RTN4: variants seen among roughly 807,000 people sequenced by gnomAD.
RTN4 encodes reticulon-4.
In RTN4, 32 loss-of-function variants were observed where a neutral mutation model predicts 90.4. The observed-to-expected ratio is 0.35, with a 90% CI of 0.27 to 0.48. RTN4 has a LOEUF of 0.48. RTN4 is among the 20% of genes least tolerant of loss of function. The pLI, the probability that RTN4 is intolerant of heterozygous loss-of-function variation, is 0.99. For synonymous variants in RTN4, 629 were observed against 552.5 expected (o/e 1.14, Z -1.94); for missense variants, 1,706 against 1,430.2 (o/e 1.19, Z -3.11).
At chr2:54,994,227 T>G (rs1679241073) in intron 3 of RTN4, among the ~76,000 whole-genome samples, 1 of 152,188 alleles carries the variant, frequency 6.6e-6, no homozygotes, top group Admixed American at 6.5e-5. Flanking sequence ...ATTAGTTAAC[T>G]TAGAAGTTTG....
chr2:55,090,364 A>G (rs2105043331), intron 1 of RTN4, among the ~76,000 whole-genome samples: 1 of 152,358 alleles, frequency 6.6e-6, no homozygotes, highest in Middle Eastern at 3.4e-3. Flanking sequence ...ACACGCTCAC[A>G]TCTGCTTCCA....
intron 1 of RTN4, among the ~76,000 whole-genome samples, chr2:55,087,175 T>C (rs1022771712): frequency 2.6e-5 from 4 of 152,238 alleles, no homozygotes; most frequent in Admixed American, 2.6e-4. Flanking sequence ...TATGCTGCTG[T>C]GAATATGTAC....
At position 55,025,535 on chromosome 2, in the gene RTN4, T is replaced by G. The variant is rs967574806; in HGVS notation, c.2564A>C (p.Glu855Ala). Reference protein sequence around the residue: ...LFISKEAQIRETETFSDSSPI... With the variant: ...LFISKEAQIRATETFSDSSPI... ...AGATGAATCTGAAAACGTTTCAGTT[T>G]CTCTTATCTGTGCTTCCTTAGAAAT... Residue 855 changes from glutamate to alanine, a missense_variant, in exon 3 of 9, where the codon GAA becomes GCA. By Grantham distance (107) the Glu-to-Ala change is moderately radical. Coordinates refer to ENST00000337526, the MANE Select transcript of RTN4 (RefSeq NM_020532.5). 1.2e-6 allele frequency: 2 copies of G among 1,613,778 alleles called. No individual in the cohort carries two copies. The highest frequency in any genetic ancestry group is 1.7e-6 in the Non-Finnish European group (2 of 1,179,820).
At chr2:55,075,655 A>G (rs1375963023) in intron 2 of RTN4, among the ~76,000 whole-genome samples, 1 of 152,226 alleles carries the variant, frequency 6.6e-6, no homozygotes, top group Non-Finnish European at 1.5e-5. Flanking sequence ...CAAAAAGAAC[A>G]AATCTGGAGG....
At chr2:54,990,063 T>C (rs1678880387) in intron 3 of RTN4, among the ~76,000 whole-genome samples, 2 of 152,152 alleles carry the variant, frequency 1.3e-5, no homozygotes, top group South Asian at 4.1e-4. Flanking sequence ...ACTAAAAAAA[T>C]GGTTGAATAA....
chr2:55,015,765 T>C (rs1680987891), intron 3 of RTN4, among the ~76,000 whole-genome samples: 1 of 152,206 alleles, frequency 6.6e-6, no homozygotes, highest in Non-Finnish European at 1.5e-5. Flanking sequence ...ACTAGGCAGC[T>C]GGACAACAGA....
At chr2:55,072,482 G>T (rs1668534210) in intron 2 of RTN4, among the ~76,000 whole-genome samples, 1 of 152,188 alleles carries the variant, frequency 6.6e-6, no homozygotes, top group Non-Finnish European at 1.5e-5. Flanking sequence ...GCCTGCCTCA[G>T]CCTCCCAAAG....
At chr2:55,070,840 G>C (rs893108883) in intron 2 of RTN4, among the ~76,000 whole-genome samples, 5 of 151,476 alleles carry the variant, frequency 3.3e-5, no homozygotes. Flanking sequence ...ACAGTGGTGC[G>C]ATCTCGGCTC....
Position 55,026,479 on chromosome 2 carries a change from C to T in RTN4, c.1620G>A (p.Glu540=). The change falls in exon 3 of 9, where the codon GAG becomes GAA. Residue 540 remains glutamate, a synonymous_variant. Coordinates refer to ENST00000337526, the MANE Select transcript of RTN4 (RefSeq NM_020532.5). ...CTTCAGGCATGTTTGCCACGACTTC[C>T]TCAGTCACCTTTGTTAAATTATCTG... ...VTTDNLTKVT[E]EVVANMPEGL... The T allele has an allele frequency of 6.2e-7, 1 of 1,613,924 alleles. No individual in the cohort carries two copies. The highest frequency in any genetic ancestry group is 8.5e-7 in the Non-Finnish European group (1 of 1,179,866).
chr2:55,020,599 C>A (rs1315396380), intron 3 of RTN4, among the ~76,000 whole-genome samples: 1 of 152,126 alleles, frequency 6.6e-6, no homozygotes, highest in Non-Finnish European at 1.5e-5. Flanking sequence ...ACAAACTTTA[C>A]TTCCCAAAAT....
At chr2:55,089,061 T>C (rs1668892069) in intron 1 of RTN4, among the ~76,000 whole-genome samples, 1 of 152,016 alleles carries the variant, frequency 6.6e-6, no homozygotes, top group South Asian at 2.1e-4. Context: ...GCCTCCCGAG[T>C]AGCTGGGACT....
chr2:55,111,181 G>A (rs749083128), intron 1 of RTN4, among the ~76,000 whole-genome samples: 7 of 152,068 alleles, frequency 4.6e-5, no homozygotes, highest in Non-Finnish European at 1.0e-4. Context: ...TTTGCTAGCT[G>A]CAAAGTTGCT....
At chr2:55,077,726 A>T (rs1467020523) in intron 2 of RTN4, among the ~76,000 whole-genome samples, 1 of 150,918 alleles carries the variant, frequency 6.6e-6, no homozygotes, top group Admixed American at 6.6e-5. Flanking sequence ...AATGCCCATC[A>T]ATCAACAAGT....
intron 2 of RTN4, among the ~76,000 whole-genome samples, chr2:55,072,159 T>C (rs1451269610): frequency 6.7e-6 from 1 of 148,592 alleles, no homozygotes; most frequent in African/African-American, 2.5e-5. Context: ...ATTTTTTTTT[T>C]CAAAAAAAAA....
chr2:55,078,911 C>T (rs879851161), intron 2 of RTN4, among the ~76,000 whole-genome samples: 6 of 152,010 alleles, frequency 3.9e-5, no homozygotes, highest in African/African-American at 9.7e-5. Flanking sequence ...AAAAAAGGTT[C>T]GATTCATCTG....
At chr2:55,123,098 T>A in the RTN4 span, among the ~76,000 whole-genome samples, 22 of 152,338 alleles carry the variant, frequency 1.4e-4, no homozygotes, top group African/African-American at 5.3e-4. Context: ...AGAAAAAGCA[T>A]CATTTTCTAA....
intron 3 of RTN4, among the ~76,000 whole-genome samples, chr2:55,016,923 A>G (rs1681085544): frequency 6.6e-6 from 1 of 152,236 alleles, no homozygotes; most frequent in South Asian, 2.1e-4. Context: ...GCCTAAAATT[A>G]AGTTATTTAA....
At chr2:55,118,912 C>G in the RTN4 span, among the ~76,000 whole-genome samples, 1 of 152,336 alleles carries the variant, frequency 6.6e-6, no homozygotes, top group African/African-American at 2.4e-5. Flanking sequence ...ATTCTGCATT[C>G]TATTTCCTTG....
rs184438032 is a variant in RTN4, at chr2:54,991,841, C to A, written c.3014-4143G>T. 3.5e-4 allele frequency among the ~76,000 whole-genome samples: 54 copies of A among 152,180 alleles called. No homozygotes were observed. In the East Asian group the frequency reaches 0.01, roughly 29 times the overall value. On this transcript the variant is annotated intron_variant, in intron 3 of 8. Transcript: ENST00000337526. ...TAAAACTTTAGGAAAATAACAAATT[C>A]ATATTCCTACAATTTTTCAAGCAAT...
Sources: allele counts gnomAD v4.1 joint callset (sites outside exome capture counted in the v4.1 genomes callset), GRCh38; gene constraint gnomAD v4.1.1; transcripts MANE v1.5; gene names NCBI Gene and HGNC (gene_info 2026-07-23, HGNC 2026-07-21).